RAB3B: variants seen among roughly 807,000 people sequenced by gnomAD.
RAB3B encodes ras-related protein Rab-3B.
In RAB3B, 11 loss-of-function variants were observed where a neutral mutation model predicts 20.5. The observed-to-expected ratio is 0.54, with a 90% CI of 0.34 to 0.89. RAB3B has a LOEUF of 0.89. Among genes scored for constraint, RAB3B ranks in the 40% least tolerant of loss-of-function variants. RAB3B has a pLI of 0.02. For missense variants in RAB3B, 225 were observed against 280.9 expected (o/e 0.80, Z 1.42); for synonymous variants, 99 against 106.3 (o/e 0.93, Z 0.42).
intron 2 of RAB3B, among the ~76,000 whole-genome samples, chr1:51,957,527 T>C (rs1684723751): frequency 6.6e-6 from 1 of 152,248 alleles, no homozygotes; most frequent in South Asian, 2.1e-4. Context: ...TGTCTTTGAC[T>C]TTCTGAGCTG....
intron 2 of RAB3B, among the ~76,000 whole-genome samples, chr1:51,942,661 C>A (rs1684509080): frequency 6.6e-6 from 1 of 152,138 alleles, no homozygotes; most frequent in South Asian, 2.1e-4. Flanking sequence ...GCCTTAGTTT[C>A]TTTATCTATG....
In RAB3B at chr1:51,916,733, A is replaced by C. The variant is rs1357022848; in HGVS notation, c.*3194T>G. 2 of 152,218 alleles carry C rather than the reference A, an allele frequency of 1.3e-5. No individual in the cohort carries two copies. Among genetic ancestry groups the C allele is most frequent in the East Asian group, 3.8e-4 (2 of 5,196 alleles). The allele number at this position is 152,218 out of a possible 1,614,324, so 9.4% of individuals were successfully genotyped here. A position where few individuals can be genotyped will look rare whatever the true frequency, so the allele number is the denominator to read the frequency against. On this transcript the variant is annotated 3_prime_UTR_variant, in exon 5 of 5. Transcript: ENST00000371655. The stretch of plus-strand genomic sequence containing the variant: ...AAGCCAGCACTTGGGACTGGGAAGC[A>C]CTGGGCATTTTCTACCCAGGCCCAT...
intron 2 of RAB3B, among the ~76,000 whole-genome samples, chr1:51,947,540 T>C (rs1435716989): frequency 6.6e-6 from 1 of 152,112 alleles, no homozygotes; most frequent in Admixed American, 6.6e-5. Flanking sequence ...CCTCTAACCA[T>C]GTCTAAGGCT....
chr1:51,911,777 A>G lies in RAB3B; in HGVS notation c.*8150T>C, dbSNP rs952010570. On this transcript the variant is annotated 3_prime_UTR_variant, in exon 5 of 5. Coordinates refer to ENST00000371655, the MANE Select transcript of RAB3B (RefSeq NM_002867.4). ...CATATCTTCAAATATTTGCCACTCA[A>G]ATGGAAAAAGAATAGGTCCAGCTTT... 5 of 152,216 alleles carry G rather than the reference A, an allele frequency of 3.3e-5. No individual in the cohort carries two copies. The highest frequency in any genetic ancestry group is 1.2e-4 in the African/African-American group (5 of 41,454). 9.4% of individuals were successfully genotyped at this position (152,216 alleles called of 1,614,324 possible).
intron 2 of RAB3B, among the ~76,000 whole-genome samples, chr1:51,967,792 A>G (rs1684877734): frequency 6.6e-6 from 1 of 151,926 alleles, no homozygotes; most frequent in Admixed American, 6.6e-5. Context: ...CTAGGATTAT[A>G]GGCATGAGCC....
intron 2 of RAB3B, among the ~76,000 whole-genome samples, chr1:51,940,907 G>C (rs1684484737): frequency 6.6e-6 from 1 of 152,058 alleles, no homozygotes; most frequent in African/African-American, 2.4e-5. Flanking sequence ...TGTGAGTCAT[G>C]TATTGGCTCT....
intron 1 of RAB3B, among the ~76,000 whole-genome samples, chr1:51,988,721 T>C (rs1685180467): frequency 6.6e-6 from 1 of 152,194 alleles, no homozygotes; most frequent in South Asian, 2.1e-4. Context: ...TGTGCTATAC[T>C]TTAGGGAGAT....
chr1:51,967,216 G>A (rs1386380739), intron 2 of RAB3B, among the ~76,000 whole-genome samples: 2 of 152,106 alleles, frequency 1.3e-5, no homozygotes, highest in Non-Finnish European at 2.9e-5. Flanking sequence ...GGGAGGCTGA[G>A]GCAGGAGAAT....
chr1:51,971,181 T>C (rs1430766956), intron 2 of RAB3B, among the ~76,000 whole-genome samples: 1 of 152,006 alleles, frequency 6.6e-6, no homozygotes, highest in Non-Finnish European at 1.5e-5. Flanking sequence ...GCTTTAATAG[T>C]TGAAGACATT....
chr1:51,987,190 G>T (rs1214078337), intron 1 of RAB3B, among the ~76,000 whole-genome samples: 2 of 152,198 alleles, frequency 1.3e-5, no homozygotes, highest in African/African-American at 4.8e-5. Context: ...GAGCGGGGAG[G>T]AGGAGGAGAG....
intron 4 of RAB3B, among the ~76,000 whole-genome samples, chr1:51,922,875 G>A (rs898243535): frequency 6.6e-6 from 1 of 151,800 alleles, no homozygotes; most frequent in Non-Finnish European, 1.5e-5. Flanking sequence ...TTTTGTATTT[G>A]TAGTAGAGAC....
intron 4 of RAB3B, among the ~76,000 whole-genome samples, chr1:51,931,637 G>T (rs1331764657): frequency 6.6e-6 from 1 of 152,156 alleles, no homozygotes; most frequent in Non-Finnish European, 1.5e-5. Flanking sequence ...CCTGTCTGCA[G>T]GGAACTTTCG....
At chr1:51,969,950 G>C (rs1489998842) in intron 2 of RAB3B, among the ~76,000 whole-genome samples, 1 of 151,940 alleles carries the variant, frequency 6.6e-6, no homozygotes, top group Non-Finnish European at 1.5e-5. Flanking sequence ...CACACCTGTA[G>C]TTCCAGCTAC....
chr1:51,937,569 C>G (rs1346607820), intron 2 of RAB3B, among the ~76,000 whole-genome samples, 157 bp from the exon 3 acceptor site: 1 of 152,016 alleles, frequency 6.6e-6, no homozygotes, highest in Non-Finnish European at 1.5e-5. Flanking sequence ...GCGATCTCAG[C>G]TCACTGCAAC....
At chr1:51,958,498 C>T (rs888883247) in intron 2 of RAB3B, among the ~76,000 whole-genome samples, 22 of 151,984 alleles carry the variant, frequency 1.4e-4, no homozygotes, top group Admixed American at 2.6e-4. Context: ...CCGAGGTGGG[C>T]AGATCACCTG....
chr1:51,987,216 C>A (rs922786085), intron 1 of RAB3B, among the ~76,000 whole-genome samples: 1 of 152,012 alleles, frequency 6.6e-6, no homozygotes, highest in Non-Finnish European at 1.5e-5. Flanking sequence ...TAAAATCCAG[C>A]GAGAAGAGAT....
At chr1:51,925,181 A>G (rs1684228221) in intron 4 of RAB3B, among the ~76,000 whole-genome samples, 1 of 152,064 alleles carries the variant, frequency 6.6e-6, no homozygotes, top group African/African-American at 2.4e-5. Context: ...TGTCTCCTCC[A>G]CGGTTCAGAT....
chr1:51,925,813 G>C (rs1684236116), intron 4 of RAB3B, among the ~76,000 whole-genome samples: 1 of 152,198 alleles, frequency 6.6e-6, no homozygotes, highest in Admixed American at 6.5e-5. Flanking sequence ...CTTTAAACCA[G>C]AAGGAATTGC....
chr1:51,948,808 G>A (rs921255311), intron 2 of RAB3B, among the ~76,000 whole-genome samples: 1 of 152,144 alleles, frequency 6.6e-6, no homozygotes, highest in Non-Finnish European at 1.5e-5. Context: ...TTTGATTAAG[G>A]TCTGTCTCCC....
Sources: gnomAD v4.1 joint callset for allele counts (sites outside exome capture counted in the v4.1 genomes callset) on GRCh38, gnomAD v4.1.1 for gene constraint, MANE v1.5 for transcripts, NCBI Gene and HGNC (gene_info 2026-07-23, HGNC 2026-07-21) for gene names.